Variants in OPRM1 observed in about 807,000 individuals in gnomAD.
OPRM1 encodes mu-type opioid receptor.
A neutral mutation model predicts 31.8 loss-of-function variants in OPRM1; 27 were observed. The ratio of observed to expected loss-of-function variants is 0.85; its 90% CI spans 0.63 to 1.17. The LOEUF (loss-of-function observed/expected upper bound fraction) is 1.17. Among genes scored for constraint, OPRM1 ranks in the 50% most tolerant of loss-of-function variants. The pLI is 0.00. For synonymous variants in OPRM1, 196 were observed against 189.9 expected (o/e 1.03, Z -0.26); for missense variants, 536 against 511.1 (o/e 1.05, Z -0.47).
At chr6:154,110,670 C>T (rs1796240983) in intron 3 of OPRM1, among the ~76,000 whole-genome samples, 1 of 151,948 alleles carries the variant, frequency 6.6e-6, no homozygotes, top group Admixed American at 6.6e-5. Flanking sequence ...GGGTGGATCA[C>T]GAGGTCAGGA....
rs1583502202 is a variant in OPRM1, at chr6:154,093,520, C to A, written c.1164+2048C>A. On this transcript the variant is annotated intron_variant, in intron 3 of 3. Coordinates refer to ENST00000330432, the MANE Select transcript of OPRM1 (RefSeq NM_000914.5). ...ATTCGGCATTTTCACATCAGTATGG[C>A]TATTGTACAGCCAGATAGAAGAGAA... 2 of 1,587,446 alleles carry A rather than the reference C, an allele frequency of 1.3e-6. No individual in the cohort carries two copies. Among genetic ancestry groups the A allele is most frequent in the Admixed American group, 3.4e-5 (2 of 58,734 alleles).
At chr6:154,181,506 A>C (rs1800866725) in intron 3 of OPRM1, among the ~76,000 whole-genome samples, 1 of 152,248 alleles carries the variant, frequency 6.6e-6, no homozygotes. Flanking sequence ...TATGCTATGA[A>C]TATATATATT....
chr6:154,191,371 C>T (rs982747980), intron 3 of OPRM1, among the ~76,000 whole-genome samples: 9 of 151,976 alleles, frequency 5.9e-5, no homozygotes, highest in Non-Finnish European at 7.4e-5. Flanking sequence ...TATGACATAA[C>T]GACATAAAGA....
chr6:154,077,426 A>G, intron 1 of OPRM1, among the ~76,000 whole-genome samples: 1 of 149,614 alleles, frequency 6.7e-6, no homozygotes, highest in Non-Finnish European at 1.5e-5. Flanking sequence ...CCTTCAAGTC[A>G]TGTTTTTTAA....
At chr6:154,045,691 A>G (rs148294207) in intron 1 of OPRM1, among the ~76,000 whole-genome samples, 2 of 152,308 alleles carry the variant, frequency 1.3e-5, no homozygotes, top group African/African-American at 4.8e-5. Context: ...ACTGAGTAAC[A>G]CTTCACCTTG....
At chr6:154,118,627 G>C in intron 3 of OPRM1, 56 bp from the exon 4 acceptor site, 2 of 1,551,196 alleles carry the variant, frequency 1.3e-6, no homozygotes, top group Admixed American at 1.7e-5. Flanking sequence ...CTCAACAAAT[G>C]TGTGTTGCAA....
chr6:154,043,941 T>C (rs1240001745), intron 1 of OPRM1, among the ~76,000 whole-genome samples: 2 of 152,168 alleles, frequency 1.3e-5, no homozygotes, highest in Admixed American at 1.3e-4. Flanking sequence ...TCCTTGGTTG[T>C]AAGCTGTGTC....
intron 1 of OPRM1, among the ~76,000 whole-genome samples, chr6:154,053,957 C>A (rs524731): frequency 0.19 from 28,228 of 151,988 alleles, 2,933 homozygotes; most frequent in Admixed American, 0.27. Flanking sequence ...TTCCAATTAA[C>A]TCATGGAACA....
At chr6:154,200,514 A>T (rs530727601) in intron 3 of OPRM1, among the ~76,000 whole-genome samples, 1 of 152,220 alleles carries the variant, frequency 6.6e-6, no homozygotes, top group African/African-American at 2.4e-5. Context: ...TGAGGCCGGG[A>T]GTTTGAGACC....
At chr6:154,186,600 A>G (rs1801377696) in intron 3 of OPRM1, among the ~76,000 whole-genome samples, 1 of 151,152 alleles carries the variant, frequency 6.6e-6, no homozygotes, top group African/African-American at 2.4e-5. Flanking sequence ...TTTGTCGCCC[A>G]GGCTGGAGTG....
intron 3 of OPRM1, among the ~76,000 whole-genome samples, chr6:154,153,837 C>A (rs1798610975): frequency 6.6e-6 from 1 of 152,100 alleles, no homozygotes; most frequent in South Asian, 2.1e-4. Flanking sequence ...GGATTCTCCC[C>A]CAGAGCCTCC....
intron 3 of OPRM1, among the ~76,000 whole-genome samples, chr6:154,241,303 G>C (rs1402189891): frequency 6.6e-6 from 1 of 150,960 alleles, no homozygotes; most frequent in Non-Finnish European, 1.5e-5. Flanking sequence ...TCTAGTCAAG[G>C]CTCAGGGGCC....
chr6:154,195,147 C>CTTTTTTTTTTT (rs10719288), intron 3 of OPRM1, among the ~76,000 whole-genome samples: 1 of 122,898 alleles, frequency 8.1e-6, no homozygotes, highest in Admixed American at 8.2e-5. Flanking sequence ...TCTTTTCTTT[C>CTTTTTTTTTTT]TTTTTTTTTT....
chr6:154,095,354 G>A (rs1424590884), intron 3 of OPRM1, among the ~76,000 whole-genome samples: 3 of 152,188 alleles, frequency 2.0e-5, no homozygotes, highest in Non-Finnish European at 4.4e-5. Flanking sequence ...ACAGATTCAT[G>A]TCTGTTGAAT....
chr6:154,018,699 C>T (rs1304826716), intron 1 of OPRM1, among the ~76,000 whole-genome samples: 1 of 152,056 alleles, frequency 6.6e-6, no homozygotes, highest in Non-Finnish European at 1.5e-5. Context: ...AGACTCAACC[C>T]CTGAGAATAC....
At chr6:154,246,627 C>T in intron 3 of OPRM1, 2 of 1,613,998 alleles carry the variant, frequency 1.2e-6, no homozygotes, top group East Asian at 2.2e-5. Flanking sequence ...ACGACCCCTT[C>T]AGTATCACCC....
intron 3 of OPRM1, chr6:154,199,713 G>C (rs762047631): frequency 1.9e-6 from 3 of 1,613,938 alleles, no homozygotes; most frequent in Non-Finnish European, 2.5e-6. Flanking sequence ...GGGACAGTAA[G>C]ATGGTCATGA....
At chr6:154,194,517 CA>C (rs1324047121) in intron 3 of OPRM1, among the ~76,000 whole-genome samples, 2 of 152,042 alleles carry the variant, frequency 1.3e-5, no homozygotes, top group Admixed American at 6.5e-5. Flanking sequence ...TTATGACCTC[CA>C]ACTCCTCAAC....
At chr6:154,239,536 G>T (rs1780405583) in intron 3 of OPRM1, among the ~76,000 whole-genome samples, 1 of 152,160 alleles carries the variant, frequency 6.6e-6, no homozygotes, top group Non-Finnish European at 1.5e-5. Context: ...ATGAGTCATT[G>T]TCTTGCGGTA....
Sources: gnomAD v4.1 joint callset for allele counts (sites outside exome capture counted in the v4.1 genomes callset) on GRCh38, gnomAD v4.1.1 for gene constraint, MANE v1.5 for transcripts, NCBI Gene and HGNC (gene_info 2026-07-23, HGNC 2026-07-21) for gene names.